Variants in PCDHGA10 observed in about 807,000 individuals in gnomAD.
The protein encoded by PCDHGA10 is protocadherin gamma subfamily A, 10.
A neutral mutation model predicts 59.5 loss-of-function variants in PCDHGA10; 42 were observed. The observed-to-expected ratio is 0.71, with a 90% confidence interval of 0.55 to 0.91. The LOEUF is 0.91. Ranked by LOEUF, PCDHGA10 falls within the 40% of genes least tolerant of loss-of-function variation. PCDHGA10 has a pLI of 0.00. For synonymous variants in PCDHGA10, 511 were observed against 517.2 expected (o/e 0.99, Z 0.16); for missense variants, 1,111 against 1,198.2 (o/e 0.93, Z 1.07).
In PCDHGA10 at chr5:141,511,173, A is replaced by T. The variant is rs1384881403; in HGVS notation, c.2811A>T (p.Ter937TyrextTer31). ...AGTCGGGCAAGAAGGAGAAGAAGTA[A>T]CATGGAGGCCAGGCCAAGAGCCACA... ...KKKSGKKEKK[*>Y] Residue 937 changes from the stop codon to tyrosine, a stop_lost, in exon 4 of 4, where the codon TAA (stop) becomes TAT (tyrosine). Coordinates refer to ENST00000398610, the MANE Select transcript of PCDHGA10 (RefSeq NM_018913.3). 6.2e-7 allele frequency: 1 copy of T among 1,614,132 alleles called. No homozygotes were observed.
chr5:141,419,605 G>A, intron 1 of PCDHGA10: 1 of 1,611,776 alleles, frequency 6.2e-7, no homozygotes, highest in Non-Finnish European at 8.5e-7. Flanking sequence ...CGCGGGCCGC[G>A]CAGCCAGGCT....
At chr5:141,500,615 A>G (rs1341597957) in intron 2 of PCDHGA10, among the ~76,000 whole-genome samples, 1 of 152,232 alleles carries the variant, frequency 6.6e-6, no homozygotes, top group East Asian at 1.9e-4. Flanking sequence ...ATTCCCAGTC[A>G]TACGGTACAT....
chr5:141,447,136 T>TTTTTTG (rs1304915683), intron 1 of PCDHGA10, among the ~76,000 whole-genome samples: 1 of 152,090 alleles, frequency 6.6e-6, no homozygotes, highest in Non-Finnish European at 1.5e-5. Context: ...TGTTTGTTTG[T>TTTTTTG]TTTTTGTTTT....
At chr5:141,419,104 C>T (rs756257411) in intron 1 of PCDHGA10, 75 of 1,613,732 alleles carry the variant, frequency 4.6e-5, no homozygotes, top group Non-Finnish European at 5.9e-5. Context: ...GGGAGCAGAC[C>T]CCAGAGTACA....
intron 1 of PCDHGA10, chr5:141,422,603 C>G: frequency 6.2e-7 from 1 of 1,614,078 alleles, no homozygotes; most frequent in Non-Finnish European, 8.5e-7. Context: ...TCCTCTTACT[C>G]TGCCTACATT....
chr5:141,437,346 T>C (rs143931647), intron 1 of PCDHGA10, among the ~76,000 whole-genome samples: 2 of 152,380 alleles, frequency 1.3e-5, no homozygotes, highest in East Asian at 3.9e-4. Flanking sequence ...CACTGTTTTA[T>C]AGTACCTAAA....
At position 141,420,019 on chromosome 5, in the gene PCDHGA10, C is replaced by T. The variant is rs2096459006; in HGVS notation, c.2436+4408C>T. 13 of 1,614,072 alleles carry T rather than the reference C, an allele frequency of 8.1e-6. No homozygotes were observed. In the East Asian group the frequency reaches 2.7e-4, roughly 33 times the overall value. On this transcript the variant is annotated intron_variant, in intron 1 of 3. Coordinates refer to ENST00000398610, the MANE Select transcript of PCDHGA10 (RefSeq NM_018913.3). ...CTCTACGCCTGCGACAGTCTTTCAGCCCTACTGCAGGAGACTGCTTTGAGT... is the reference window on the plus strand; with the variant it reads ...CTCTACGCCTGCGACAGTCTTTCAGTCCTACTGCAGGAGACTGCTTTGAGT...
chr5:141,437,223 C>G (rs555637738), intron 1 of PCDHGA10, among the ~76,000 whole-genome samples: 1 of 152,198 alleles, frequency 6.6e-6, no homozygotes, highest in Admixed American at 6.5e-5. Context: ...TGATTCCAGT[C>G]ATAAAATTAT....
intron 1 of PCDHGA10, among the ~76,000 whole-genome samples, chr5:141,438,609 T>TATAC (rs2098013849): frequency 2.4e-5 from 1 of 41,118 alleles, no homozygotes; most frequent in Non-Finnish European, 3.9e-5. Context: ...TATATATATA[T>TATAC]ATATATATAT....
intron 1 of PCDHGA10, among the ~76,000 whole-genome samples, chr5:141,425,257 G>A (rs746250240): frequency 6.6e-6 from 1 of 152,152 alleles, no homozygotes; most frequent in Non-Finnish European, 1.5e-5. Context: ...TGAGGTATTT[G>A]GCTGGGAAAA....
chr5:141,453,465 A>G (rs1167340749), intron 1 of PCDHGA10, among the ~76,000 whole-genome samples: 2 of 152,098 alleles, frequency 1.3e-5, no homozygotes, highest in African/African-American at 4.8e-5. Flanking sequence ...AAACATTAAC[A>G]TAAAGTCAAA....
At chr5:141,422,345 A>G in intron 1 of PCDHGA10, 1 of 1,551,648 alleles carries the variant, frequency 6.4e-7, no homozygotes, top group South Asian at 1.3e-5. Context: ...CTAAATGTGC[A>G]AGATCAAGAT....
chr5:141,482,767 A>AGCTAGTACTATAATTATTTTTATTAGTTC (rs1370824281), intron 1 of PCDHGA10, among the ~76,000 whole-genome samples: 2 of 150,588 alleles, frequency 1.3e-5, no homozygotes, highest in African/African-American at 2.5e-5. Context: ...TTTCATTATC[A>AGCTAGTACTATAATTATTTTTATTAGTTC]CTGAACCTTA....
chr5:141,490,882 A>G lies in PCDHGA10; in HGVS notation c.2437-3925A>G, dbSNP rs758716907. ...CGGCTCTCCCCCATTGCATGCCAAC[A>G]CATCTCTGCATGTGTTTGTCCTAGA... On this transcript the variant is annotated intron_variant, in intron 1 of 3. Coordinates refer to ENST00000398610, the MANE Select transcript of PCDHGA10 (RefSeq NM_018913.3). This position sits in a 1 kb window ranked among gnomAD's most constrained non-coding sequence, Gnocchi z 5.4. 6.2e-7 allele frequency: 1 copy of G among 1,613,848 alleles called. No individual in the cohort carries two copies. Among genetic ancestry groups the G allele is most frequent in the Non-Finnish European group, 8.5e-7 (1 of 1,179,920 alleles).
Position 141,494,855 on chromosome 5 carries a change from G to A in PCDHGA10, c.2485G>A (p.Gly829Ser), listed in dbSNP as rs200418116. The A allele has an allele frequency of 4.8e-4, 774 of 1,614,092 alleles. 7 individuals carry two copies. The South Asian group carries it at 5.1e-3, about 11-fold the overall frequency. ...GCGTTTCTCTCAGGCCCAGAGACCC[G>A]GCACCAGCGGGTAGGTGACTGATTC... is the stretch of plus-strand genomic sequence containing the variant. ...DWRFSQAQRP[G>S]TSGSQNGDDT... Residue 829 changes from glycine (G) to serine (S), a missense_variant, in exon 2 of 4, where the codon GGC becomes AGC. Coordinates refer to ENST00000398610, the MANE Select transcript of PCDHGA10 (RefSeq NM_018913.3).
chr5:141,432,250 A>T lies in PCDHGA10; in HGVS notation c.2436+16639A>T. ...ATTCCCTGGCTGAGAACACCATCCA[A>T]GGGGCAAGCCTATCGTCCTACGTGT... is the stretch of plus-strand genomic sequence containing the variant. On this transcript the variant is annotated intron_variant, in intron 1 of 3. Transcript: ENST00000398610. This position sits in a 1 kb window ranked among gnomAD's most constrained non-coding sequence, Gnocchi z 6.0. 1 of 1,614,234 alleles carries T rather than the reference A, an allele frequency of 6.2e-7. No homozygotes were observed. Among genetic ancestry groups the T allele is most frequent in the Non-Finnish European group, 8.5e-7 (1 of 1,180,054 alleles).
At chr5:141,442,158 A>T (rs966591795) in intron 1 of PCDHGA10, 1 of 157,594 alleles carries the variant, frequency 6.3e-6, no homozygotes, top group African/African-American at 2.4e-5. Context: ...CTCAGCGATC[A>T]CTCTGCAAAG....
Position 141,489,424 on chromosome 5 carries a change from C to T in PCDHGA10, c.2437-5383C>T, listed in dbSNP as rs758049228. The T allele has an allele frequency of 5.0e-5, 80 of 1,613,958 alleles. No homozygotes were observed. In the Admixed American group the frequency reaches 1.1e-3, roughly 23 times the overall value. On this transcript the variant is annotated intron_variant, in intron 1 of 3. Coordinates refer to ENST00000398610, the MANE Select transcript of PCDHGA10 (RefSeq NM_018913.3). The surrounding 1 kb of genome is among the most constrained non-coding windows in gnomAD (Gnocchi z 4.5). ...CTTAAAGATGACAGATCTGTTGAGC[C>T]GGCGGCTGCAATTGGGCTCTGAGGA...
chr5:141,433,001 G>T, intron 1 of PCDHGA10: 1 of 1,614,156 alleles, frequency 6.2e-7, no homozygotes, highest in African/African-American at 1.3e-5. Flanking sequence ...CGGGGTGCAG[G>T]CTTTCCTGCA....
Sources: gnomAD v4.1 joint callset for allele counts (sites outside exome capture counted in the v4.1 genomes callset) on GRCh38, gnomAD v4.1.1 for gene constraint, Gnocchi (gnomAD v3.1) non-coding constraint, MANE v1.5 for transcripts, NCBI Gene and HGNC (gene_info 2026-07-23, HGNC 2026-07-21) for gene names.